The following CHLSN variants were observed in gnomAD, a reference collection of about 807,000 sequenced individuals.
CHLSN encodes the protein protein cholesin.
the CHLSN span, among the ~76,000 whole-genome samples, chr7:1,048,156 G>A: frequency 2.0e-4 from 31 of 152,146 alleles, 2 homozygotes; most frequent in Admixed American, 1.3e-3. Context: ...GAGGGGAAGC[G>A]AGAAAGGGTG....
At chr7:1,136,352 A>G in the CHLSN span, among the ~76,000 whole-genome samples, 8 of 79,562 alleles carry the variant, frequency 1.0e-4, 1 homozygote, top group Non-Finnish European at 8.5e-5. Context: ...ATATAAATAT[A>G]TATAAACATA....
chr7:1,059,655 G>C, the CHLSN span, among the ~76,000 whole-genome samples: 3,584 of 71,050 alleles, frequency 0.05, 271 homozygotes, highest in African/African-American at 0.16. Context: ...CAGGTCTTAG[G>C]GGGGCGGGTC....
At chr7:1,070,173 G>T in the CHLSN span, among the ~76,000 whole-genome samples, 1 of 115,012 alleles carries the variant, frequency 8.7e-6, no homozygotes, top group African/African-American at 3.4e-5. Context: ...TCTGAGAAGT[G>T]AGGAGCCTCT....
the CHLSN span, among the ~76,000 whole-genome samples, chr7:993,345 C>T: frequency 1.3e-5 from 2 of 152,084 alleles, no homozygotes; most frequent in Admixed American, 6.5e-5. Flanking sequence ...CGGCAGGTGG[C>T]GCCACCTGAT....
chr7:1,024,000 C>T, the CHLSN span, among the ~76,000 whole-genome samples: 1 of 152,174 alleles, frequency 6.6e-6, no homozygotes, highest in Non-Finnish European at 1.5e-5. The surrounding 1 kb of genome is among the most constrained non-coding windows in gnomAD (Gnocchi z 5.0). Context: ...GCCACCATGC[C>T]TGGCCAGTTT....
the CHLSN span, among the ~76,000 whole-genome samples, chr7:1,102,457 C>T: frequency 1.7e-4 from 26 of 152,258 alleles, no homozygotes; most frequent in Non-Finnish European, 3.2e-4. Context: ...CTCACAGCTC[C>T]GGCCACGCTG....
the CHLSN span, chr7:987,378 G>A: frequency 3.1e-6 from 5 of 1,593,648 alleles, no homozygotes; most frequent in East Asian, 9.0e-5. Flanking sequence ...ACCGCGTGCT[G>A]GGCCCTGGGC....
the CHLSN span, among the ~76,000 whole-genome samples, chr7:1,038,641 C>T: frequency 3.1e-4 from 20 of 63,514 alleles, no homozygotes; most frequent in Admixed American, 7.0e-4. Context: ...CCAGCCGCCC[C>T]GTCCGGGAGG....
At chr7:1,000,643 G>A in the CHLSN span, 2 of 1,027,900 alleles carry the variant, frequency 1.9e-6, no homozygotes, top group African/African-American at 1.6e-5. Context: ...CTCATCTTAG[G>A]AGAGGGAGCC....
At chr7:1,094,807 G>A in the CHLSN span, among the ~76,000 whole-genome samples, 2 of 152,206 alleles carry the variant, frequency 1.3e-5, no homozygotes, top group Admixed American at 1.3e-4. Flanking sequence ...CTCTCAGGCA[G>A]GTGGGGCCTG....
the CHLSN span, chr7:987,619 G>A: frequency 1.5e-6 from 2 of 1,291,242 alleles, no homozygotes; most frequent in Non-Finnish European, 2.1e-6. Flanking sequence ...TGAGCGTCTG[G>A]TGGGTGCCTG....
At chr7:1,036,428 G>T in the CHLSN span, among the ~76,000 whole-genome samples, 1 of 149,920 alleles carries the variant, frequency 6.7e-6, no homozygotes, top group South Asian at 2.1e-4. Context: ...CTCGTGGTGT[G>T]GCCGTGTAGG....
At chr7:1,093,639 G>A in the CHLSN span, 2 of 471,272 alleles carry the variant, frequency 4.2e-6, no homozygotes, top group Admixed American at 2.3e-5. Context: ...TGGGTTAGTC[G>A]GGTGCCAGGA....
At chr7:1,107,677 C>T in the CHLSN span, among the ~76,000 whole-genome samples, 2 of 152,270 alleles carry the variant, frequency 1.3e-5, no homozygotes, top group African/African-American at 4.8e-5. Context: ...CCGTGACGTA[C>T]AGTCTGCAAG....
chr7:1,009,994 A>G, the CHLSN span: 1 of 1,593,490 alleles, frequency 6.3e-7, no homozygotes, highest in East Asian at 2.3e-5. Context: ...AGCGCCTGGC[A>G]GGCGGGTGCT....
the CHLSN span, among the ~76,000 whole-genome samples, chr7:1,012,860 G>A: frequency 6.6e-5 from 10 of 152,262 alleles, no homozygotes; most frequent in South Asian, 1.2e-3. Context: ...CCGTGCCATC[G>A]GCCGCCCTAT....
the CHLSN span, among the ~76,000 whole-genome samples, chr7:1,127,624 C>A: frequency 6.6e-6 from 1 of 151,384 alleles, no homozygotes; most frequent in Non-Finnish European, 1.5e-5. Flanking sequence ...CAGGGCCTCA[C>A]TCTGTCACCC....
the CHLSN span, chr7:1,010,288 C>T: frequency 2.8e-6 from 2 of 709,368 alleles, no homozygotes; most frequent in East Asian, 2.9e-5. Flanking sequence ...CAGCCGACAC[C>T]ATCCTGCTAA....
chr7:1,015,963 G>C, the CHLSN span, among the ~76,000 whole-genome samples: 1 of 152,142 alleles, frequency 6.6e-6, no homozygotes, highest in Non-Finnish European at 1.5e-5. Flanking sequence ...CCCTGGACCG[G>C]CGTCTGTCTG....
Sources: allele counts gnomAD v4.1 joint callset (sites outside exome capture counted in the v4.1 genomes callset), GRCh38; gene constraint gnomAD v4.1.1; non-coding constraint Gnocchi (gnomAD v3.1); transcripts MANE v1.5; gene names NCBI Gene and HGNC (gene_info 2026-07-23, HGNC 2026-07-21).